Variants in ATP8B3 observed in about 807,000 individuals in gnomAD.
ATP8B3 encodes ATPase phospholipid transporting 8B3, also known as phospholipid-transporting ATPase IK.
Under a neutral mutation model 140.9 loss-of-function variants are expected in ATP8B3, and 141 were observed. That is an observed-to-expected ratio of 1.00 (90% CI 0.87 to 1.15). The LOEUF (loss-of-function observed/expected upper bound fraction) is 1.15. Among genes scored for constraint, ATP8B3 ranks in the 50% most tolerant of loss-of-function variants. ATP8B3 has a pLI of 0.00. For synonymous variants in ATP8B3, 765 were observed against 714.6 expected, an observed-to-expected ratio of 1.07 and a Z score of -1.13; for missense variants, 1,874 against 1,740.6, an observed-to-expected ratio of 1.08 and a Z score of -1.36.
intron 28 of ATP8B3, 150 bp downstream of exon 28, chr19:1,784,669 C>T (rs1245254843): frequency 1.6e-5 from 18 of 1,142,114 alleles, no homozygotes; most frequent in Middle Eastern, 3.0e-4. Flanking sequence ...GGCGTGTGTC[C>T]GGGGCTCCGC....
At position 1,789,457 on chromosome 19, in the gene ATP8B3, T is replaced by C; in HGVS notation, c.2749A>G (p.Lys917Glu). Residue 917 changes from lysine (K) to glutamate (E), a missense_variant, in exon 23 of 29, where the codon AAG (lysine) becomes GAG (glutamate). Physicochemically the swap from Lys to Glu is moderately conservative, Grantham distance 56. Around this residue, in one of 3 missense-constraint regions of ATP8B3, gnomAD observed 840 missense variants for 760.9 expected, o/e 1.10. Coordinates refer to ENST00000310127, the MANE Select transcript of ATP8B3 (RefSeq NM_138813.4). ...QAVICCRVTP[K>E]QKALIVALVK... is the part of the protein sequence containing the mutation. Reference sequence around the variant, plus strand: ...AGGGCCACGATCAGGGCCTTCTGCTTGGGCGTCACGCGGCAGCAGATGACC... The same window carrying C: ...AGGGCCACGATCAGGGCCTTCTGCTCGGGCGTCACGCGGCAGCAGATGACC... 1 of 1,597,446 alleles carries C rather than the reference T, an allele frequency of 6.3e-7. No homozygotes were observed. Among genetic ancestry groups the C allele is most frequent in the Non-Finnish European group, 8.5e-7 (1 of 1,178,964 alleles).
In ATP8B3 at chr19:1,805,764, G is replaced by A. The variant is rs1410188916; in HGVS notation, c.821+124C>T. On this transcript the variant is annotated intron_variant, in intron 9 of 28. Transcript: ENST00000310127. The surrounding 1 kb of genome is among the most constrained non-coding windows in gnomAD (Gnocchi z 5.2). Reference sequence around the variant, plus strand: ...CAGCACCCACGCCCCAGACACTCATGGGGTGAGTGACCAAAGTCTCTGAGC... The same window carrying A: ...CAGCACCCACGCCCCAGACACTCATAGGGTGAGTGACCAAAGTCTCTGAGC... The A allele has an allele frequency of 8.6e-7, 1 of 1,165,164 alleles. No homozygotes were observed. 72.2% of individuals were successfully genotyped at this position (1,165,164 alleles called of 1,614,324 possible). A position where few individuals can be genotyped will look rare whatever the true frequency, so the allele number is the denominator to read the frequency against.
chr19:1,798,065 G>A (rs2068735262), intron 14 of ATP8B3, among the ~76,000 whole-genome samples: 1 of 151,882 alleles, frequency 6.6e-6, no homozygotes, highest in African/African-American at 2.4e-5. Flanking sequence ...TCCACCTCCG[G>A]GTTCAAGCAG....
intron 20 of ATP8B3, among the ~76,000 whole-genome samples, chr19:1,791,503 T>C (rs1262531152): frequency 1.3e-5 from 2 of 152,006 alleles, no homozygotes; most frequent in South Asian, 2.1e-4. Flanking sequence ...TTCTCCTGCC[T>C]CAGCCTCCTG....
In ATP8B3 at chr19:1,787,169, C is replaced by G. The variant is rs759975699; in HGVS notation, c.3087G>C (p.Trp1029Cys). The G allele has an allele frequency of 6.2e-7, 1 of 1,610,556 alleles. No homozygotes were observed. ...ACAGGAGGTTGAAAAGAGCCAGGAA[C>G]CATCCTTCATACAGGGGCTGAGCCG... ...GFTGQPLYEG[W>C]FLALFNLLYS... The change falls in exon 25 of 29, where the codon TGG (tryptophan) becomes TGC (cysteine). Residue 1029 changes from tryptophan to cysteine, a missense_variant. This residue lies in a region of ATP8B3 where 840 missense variants were observed against 760.9 expected (regional missense o/e 1.10). Coordinates refer to ENST00000310127, the MANE Select transcript of ATP8B3 (RefSeq NM_138813.4).
intron 25 of ATP8B3, among the ~76,000 whole-genome samples, chr19:1,786,514 T>C (rs879432124): frequency 9.4e-5 from 14 of 148,916 alleles, no homozygotes; most frequent in Non-Finnish European, 1.8e-4. Context: ...TGCAGTGAGC[T>C]GAGATTGTGC....
intron 10 of ATP8B3, among the ~76,000 whole-genome samples, chr19:1,804,040 G>A (rs1329924133): frequency 6.6e-6 from 1 of 152,134 alleles, no homozygotes; most frequent in Non-Finnish European, 1.5e-5. Flanking sequence ...CTCTTTGGGT[G>A]TCAGGAGCAA....
Position 1,805,118 on chromosome 19 carries a change from G to A in ATP8B3, c.904+256C>T, listed in dbSNP as rs1282306239. 3.1e-5 allele frequency: 14 copies of A among 458,746 alleles called. No individual in the cohort carries two copies. The highest frequency in any genetic ancestry group is 4.5e-5 in the East Asian group (1 of 22,326). The allele number at this position is 458,746 out of a possible 1,614,324, so 28.4% of individuals were successfully genotyped here. ...AGCCTCCCAAGTAGCTGGGACCACC[G>A]GCATGTGCCACCACGCCCAGCTACT... On this transcript the variant is annotated intron_variant, in intron 10 of 28. Coordinates refer to ENST00000310127, the MANE Select transcript of ATP8B3 (RefSeq NM_138813.4). The surrounding 1 kb of genome is among the most constrained non-coding windows in gnomAD (Gnocchi z 5.2).
chr19:1,791,917 G>A, intron 19 of ATP8B3, 56 bp from the exon 20 acceptor site: 1 of 1,599,752 alleles, frequency 6.3e-7, no homozygotes, highest in Non-Finnish European at 8.5e-7. Flanking sequence ...CCAGCTCCCT[G>A]GCGGGGGCAG....
At chr19:1,801,544 A>G (rs1338627759) in intron 12 of ATP8B3, among the ~76,000 whole-genome samples, 1 of 152,128 alleles carries the variant, frequency 6.6e-6, no homozygotes, top group Non-Finnish European at 1.5e-5. Context: ...TGAGCTCAGG[A>G]GTTCGAGACC....
rs752359565 is a variant in ATP8B3, at chr19:1,785,212, G to T, written c.3479C>A (p.Thr1160Asn). 6.2e-7 allele frequency: 1 copy of T among 1,606,512 alleles called. No individual in the cohort carries two copies. The highest frequency in any genetic ancestry group is 8.5e-7 in the Non-Finnish European group (1 of 1,176,498). Residue 1160 changes from threonine (T) to asparagine (N), a missense_variant, in exon 27 of 29, where the codon ACC becomes AAC. Physicochemically the swap from Thr to Asn is moderately conservative, Grantham distance 65 (BLOSUM62 0). Coordinates refer to ENST00000310127, the MANE Select transcript of ATP8B3 (RefSeq NM_138813.4). ...SLGFYAIMTT[T>N]TQSFWLFRVS... ...TCTGAAGAGCCAGAAGCTCTGGGTG[G>T]TGGTAGTCATGATGGCGTAGAAACC...
Position 1,789,008 on chromosome 19 carries a change from G to T in ATP8B3, c.2958C>A (p.Gly986=), listed in dbSNP as rs745958759. 43 of 1,610,154 alleles carry T rather than the reference G, an allele frequency of 2.7e-5. No individual in the cohort carries two copies. The highest frequency in any genetic ancestry group is 5.3e-5 in the African/African-American group (4 of 74,870). ...TGCAGATCCGCACGTAGGACCAGCG[G>T]CCGTGCACCAGCAGGAGGCGCTGCA... is the stretch of plus-strand genomic sequence containing the variant. The part of the protein sequence containing the change: ...CFLQRLLLVH[G]RWSYVRICKF... Residue 986 remains glycine, a synonymous_variant, in exon 24 of 29, where the codon GGC becomes GGA. Transcript: ENST00000310127.
Position 1,808,261 on chromosome 19 carries a change from GC to G in ATP8B3, c.476del (p.Arg159ProfsTer64), listed in dbSNP as rs1568661778. The G allele has an allele frequency of 6.2e-7, 1 of 1,613,038 alleles. No homozygotes were observed. The highest frequency in any genetic ancestry group is 1.3e-5 in the African/African-American group (1 of 75,048). ...LPLNLYEQFH[R>X]VSNLFFLIII... ...TGATGAGGAAGAACAGGTTGGACAC[GC>G]GGTGGAACTGCTCGTACAGGTTCAG... is the stretch of plus-strand genomic sequence containing the variant. On this transcript the variant is annotated frameshift_variant, in exon 5 of 29. Coordinates refer to ENST00000310127, the MANE Select transcript of ATP8B3 (RefSeq NM_138813.4). LOFTEE classifies it high-confidence loss of function.
At position 1,806,521 on chromosome 19, in the gene ATP8B3, G is replaced by A; in HGVS notation, c.677+107C>T. On this transcript the variant is annotated intron_variant, in intron 7 of 28. Transcript: ENST00000310127. The surrounding 1 kb of genome is among the most constrained non-coding windows in gnomAD (Gnocchi z 5.6). ...GGTTCCTGTCGGACTCAACCAGCCG[G>A]GAGATCAGGGAGCACGGAAGGTGAT... 1 of 1,514,168 alleles carries A rather than the reference G, an allele frequency of 6.6e-7. No individual in the cohort carries two copies. The highest frequency in any genetic ancestry group is 8.8e-7 in the Non-Finnish European group (1 of 1,132,486). 93.8% of individuals were successfully genotyped at this position (1,514,168 alleles called of 1,614,324 possible).
rs748787296 is a variant in ATP8B3, at chr19:1,811,573, C to T, written c.164G>A (p.Gly55Glu). The change falls in exon 2 of 29, where the codon GGA becomes GAA. Residue 55 changes from glycine to glutamate, a missense_variant. Coordinates refer to ENST00000310127, the MANE Select transcript of ATP8B3 (RefSeq NM_138813.4). ...GGETVIRAGMGDSPGRGAPER... is the reference protein window; with the variant it reads ...GGETVIRAGMEDSPGRGAPER... The stretch of plus-strand genomic sequence containing the variant: ...AGGTGCCCCTCTGCCTGGGGAGTCT[C>T]CCATCCCAGCTCTGATCACCGTCTC... 1.9e-6 allele frequency: 3 copies of T among 1,612,296 alleles called. No individual in the cohort carries two copies. The highest frequency in any genetic ancestry group is 1.3e-5 in the African/African-American group (1 of 74,942).
chr19:1,789,314 G>A (rs1178464167), intron 23 of ATP8B3, 47 bp downstream of exon 23: 1 of 1,230,052 alleles, frequency 8.1e-7, no homozygotes, highest in East Asian at 3.6e-5. Flanking sequence ...TCCGTCAGCC[G>A]CCCCCCACTC....
In ATP8B3 at chr19:1,782,472, T is replaced by A; in HGVS notation, c.*556A>T. The A allele has an allele frequency of 4.9e-6, 1 of 204,842 alleles. No homozygotes were observed. The highest frequency in any genetic ancestry group is 9.7e-6 in the Non-Finnish European group (1 of 103,330). The allele number at this position is 204,842 out of a possible 1,614,324, so 12.7% of individuals were successfully genotyped here. A position where few individuals can be genotyped will look rare whatever the true frequency, so the allele number is the denominator to read the frequency against. The stretch of plus-strand genomic sequence containing the variant: ...GTGGACGTGGACGATTCTTCCAGAC[T>A]TGGTGGCAGAGTCTCCACCTGAGAT... On this transcript the variant is annotated 3_prime_UTR_variant, in exon 29 of 29. Coordinates refer to ENST00000310127, the MANE Select transcript of ATP8B3 (RefSeq NM_138813.4).
In ATP8B3 at chr19:1,782,370, G is replaced by A; in HGVS notation, c.*658C>T. The A allele has an allele frequency of 3.9e-6, 1 of 257,412 alleles. No individual in the cohort carries two copies. Among genetic ancestry groups the A allele is most frequent in the Non-Finnish European group, 7.3e-6 (1 of 136,646 alleles). The allele number at this position is 257,412 out of a possible 1,614,324, so 15.9% of individuals were successfully genotyped here. On this transcript the variant is annotated 3_prime_UTR_variant, in exon 29 of 29. Transcript: ENST00000310127. ...GGCAAGGATAGCTGCTCCTCCCCGG[G>A]CACCAGCAGCCACTCCATGGATGAT...
chr19:1,800,187 C>G lies in ATP8B3; in HGVS notation c.1344-32G>C. 6.3e-7 allele frequency: 1 copy of G among 1,576,576 alleles called. No individual in the cohort carries two copies. Among genetic ancestry groups the G allele is most frequent in the Non-Finnish European group, 8.6e-7 (1 of 1,160,752 alleles). ...AGGCACTCAGGGTCACGGTCAGCCC[C>G]GCCTGCTGTGTGCCATCCCCATGCC... On this transcript the variant is annotated intron_variant, in intron 13 of 28. Transcript: ENST00000310127. The surrounding 1 kb of genome is among the most constrained non-coding windows in gnomAD (Gnocchi z 4.4).
Sources: allele counts gnomAD v4.1 joint callset (sites outside exome capture counted in the v4.1 genomes callset), GRCh38; gene constraint gnomAD v4.1.1; regional missense constraint gnomAD v4.1.1; non-coding constraint Gnocchi (gnomAD v3.1); transcripts MANE v1.5; gene names NCBI Gene and HGNC (gene_info 2026-07-23, HGNC 2026-07-21).